Variants in ANK3 observed in about 807,000 individuals in gnomAD.
ANK3 encodes the protein ankyrin-3.
In ANK3, 57 loss-of-function variants were observed where a neutral mutation model predicts 370.9. The observed-to-expected ratio is 0.15, with a 90% CI of 0.12 to 0.19. ANK3 has a LOEUF of 0.19. Among genes scored for constraint, ANK3 ranks in the 10% least tolerant of loss-of-function variants. The pLI is 1.00. For missense variants in ANK3, 4,439 were observed against 5,302.1 expected, an observed-to-expected ratio of 0.84 and a Z score of 5.06; for synonymous variants, 1,929 against 1,946.3, an observed-to-expected ratio of 0.99 and a Z score of 0.23.
At chr10:60,120,820 A>G (rs1358433061) in intron 25 of ANK3, among the ~76,000 whole-genome samples, 2 of 152,172 alleles carry the variant, frequency 1.3e-5, no homozygotes, top group African/African-American at 4.8e-5. Context: ...TTAGGCAATA[A>G]CAAATTCTAA....
chr10:60,586,894 T>C (rs2077839944), intron 2 of ANK3, among the ~76,000 whole-genome samples: 1 of 152,182 alleles, frequency 6.6e-6, no homozygotes, highest in Non-Finnish European at 1.5e-5. Context: ...AGCTGTAAGA[T>C]AAAAGGCTTC....
chr10:60,590,823 T>G (rs1277899758), intron 2 of ANK3, among the ~76,000 whole-genome samples: 1 of 152,248 alleles, frequency 6.6e-6, no homozygotes, highest in Admixed American at 6.5e-5. Context: ...ATGTAAATAG[T>G]TGTTAAACTA....
intron 1 of ANK3, among the ~76,000 whole-genome samples, chr10:60,299,235 G>A (rs967610050): frequency 7.9e-5 from 12 of 152,082 alleles, no homozygotes; most frequent in South Asian, 2.1e-4. Context: ...TAAAGGTCAC[G>A]AAAGGTTAAT....
chr10:60,112,279 C>T (rs532173371), intron 26 of ANK3, among the ~76,000 whole-genome samples: 6 of 151,342 alleles, frequency 4.0e-5, no homozygotes, highest in South Asian at 2.1e-4. Context: ...ATTCATCAAG[C>T]GTGATTCAAA....
chr10:60,101,645 C>A (rs1215304269), intron 28 of ANK3, among the ~76,000 whole-genome samples: 1 of 152,160 alleles, frequency 6.6e-6, no homozygotes, highest in Admixed American at 6.5e-5. Context: ...GTTCTTCACA[C>A]CCAGACCAAC....
chr10:60,510,279 G>T (rs10761510), intron 2 of ANK3, among the ~76,000 whole-genome samples: 32,430 of 151,678 alleles, frequency 0.21, 3,869 homozygotes, highest in East Asian at 0.47. Context: ...ACTTTCTATC[G>T]TGAAGACTCT....
chr10:60,579,252 G>C (rs1454458668), intron 2 of ANK3, among the ~76,000 whole-genome samples: 2 of 150,632 alleles, frequency 1.3e-5, no homozygotes, highest in African/African-American at 4.9e-5. Flanking sequence ...TTGAACCTGG[G>C]AGGCGGAGGT....
In ANK3 at chr10:60,069,304, A is replaced by G; in HGVS notation, c.11577T>C (p.Ile3859=). The part of the protein sequence containing the change: ...EQQKTKELIG[I]RQKSKLPIKA... ...TTATGGGAAGTTTGGATTTTTGCCT[A>G]ATCCCTATCAATTCCTTTGTTTTTT... The change falls in exon 37 of 44, where the codon ATT becomes ATC. Residue 3859 remains isoleucine, a synonymous_variant. Coordinates refer to ENST00000280772, the MANE Select transcript of ANK3 (RefSeq NM_020987.5). 6.2e-7 allele frequency: 1 copy of G among 1,614,062 alleles called. No individual in the cohort carries two copies. The highest frequency in any genetic ancestry group is 1.3e-5 in the African/African-American group (1 of 74,986).
At chr10:60,041,359 T>C (rs536595800) in intron 43 of ANK3, among the ~76,000 whole-genome samples, 1 of 152,308 alleles carries the variant, frequency 6.6e-6, no homozygotes, top group African/African-American at 2.4e-5. Context: ...CATCATATTC[T>C]CAAGGAAACC....
At chr10:60,233,275 T>C (rs769882619) in intron 8 of ANK3, among the ~76,000 whole-genome samples, 5 of 152,174 alleles carry the variant, frequency 3.3e-5, no homozygotes, top group Admixed American at 1.3e-4. Context: ...ATCAGTAAAG[T>C]TAAATAGCCT....
chr10:60,388,869 CA>C (rs2132866643), intron 1 of ANK3, among the ~76,000 whole-genome samples: 1 of 152,020 alleles, frequency 6.6e-6, no homozygotes, highest in Non-Finnish European at 1.5e-5. Context: ...CACAACTTGA[CA>C]AAAAGCACCT....
intron 2 of ANK3, among the ~76,000 whole-genome samples, chr10:60,559,989 C>G (rs2393647): frequency 0.7 from 105,682 of 151,818 alleles, 37,144 homozygotes; most frequent in South Asian, 0.89. Flanking sequence ...GTTGCAGTGA[C>G]CCAAAATCAC....
At chr10:60,107,049 T>TAATGATCAAATAATATAAATA in intron 27 of ANK3, among the ~76,000 whole-genome samples, 3 of 152,298 alleles carry the variant, frequency 2.0e-5, no homozygotes, top group African/African-American at 7.2e-5. Flanking sequence ...ATAGTAGTTG[T>TAATGATCAAATAATATAAATA]AATGATCAAA....
chr10:60,492,706 C>CAAAAAAAAAAAAAAAAAAAAA (rs764367710), intron 2 of ANK3, among the ~76,000 whole-genome samples: 1 of 57,506 alleles, frequency 1.7e-5, no homozygotes, highest in Admixed American at 2.3e-4. Flanking sequence ...GACTCTGTCT[C>CAAAAAAAAAAAAAAAAAAAAA]AAAAAAAAAA....
intron 1 of ANK3, among the ~76,000 whole-genome samples, chr10:60,718,050 G>A (rs1053899783): frequency 6.6e-6 from 1 of 152,190 alleles, no homozygotes; most frequent in Non-Finnish European, 1.5e-5. Context: ...GCCTTATATG[G>A]ACATTGTCTG....
intron 7 of ANK3, among the ~76,000 whole-genome samples, chr10:60,246,778 C>T (rs909174803): frequency 6.6e-6 from 1 of 152,206 alleles, no homozygotes; most frequent in Non-Finnish European, 1.5e-5. Flanking sequence ...AGATAAGGCA[C>T]AGCCAGGTCT....
intron 2 of ANK3, among the ~76,000 whole-genome samples, chr10:60,444,023 A>AT (rs1425930499): frequency 2.0e-5 from 3 of 152,072 alleles, no homozygotes; most frequent in African/African-American, 4.8e-5. Flanking sequence ...GCTTATGCAG[A>AT]TTTTTTTAGG....
intron 2 of ANK3, among the ~76,000 whole-genome samples, chr10:60,429,495 G>C (rs2063966113): frequency 1.3e-5 from 2 of 152,194 alleles, no homozygotes; most frequent in Non-Finnish European, 2.9e-5. Context: ...AAGATTAAGA[G>C]TTTATTTTTG....
intron 2 of ANK3, among the ~76,000 whole-genome samples, chr10:60,498,868 A>G (rs2075725979): frequency 3.3e-5 from 5 of 152,248 alleles, no homozygotes; most frequent in Admixed American, 3.3e-4. Flanking sequence ...AAAACAATCA[A>G]TATACCTATG....
Sources: allele counts gnomAD v4.1 joint callset (sites outside exome capture counted in the v4.1 genomes callset), GRCh38; gene constraint gnomAD v4.1.1; transcripts MANE v1.5; gene names NCBI Gene and HGNC (gene_info 2026-07-23, HGNC 2026-07-21).